The following WBP4 variants were observed in gnomAD, a reference collection of about 807,000 sequenced individuals.
The protein encoded by WBP4 is WW domain binding protein 4, also known as WW domain-binding protein 4.
Under a neutral mutation model 55.4 loss-of-function variants are expected in WBP4, and 37 were observed. The observed-to-expected ratio is 0.67, with a 90% CI of 0.51 to 0.88. WBP4 has a LOEUF of 0.88. Ranked by LOEUF, WBP4 falls within the 40% of genes least tolerant of loss-of-function variation. The probability of loss-of-function intolerance (pLI) is 0.00; values close to 1 mark genes in which losing one functional copy is unlikely to be tolerated. For missense variants in WBP4, 398 were observed against 420.8 expected, an observed-to-expected ratio of 0.95 and a Z score of 0.47; for synonymous variants, 142 against 140.2, an observed-to-expected ratio of 1.01 and a Z score of -0.09.
chr13:41,071,936 C>A (rs1878264719), intron 6 of WBP4, among the ~76,000 whole-genome samples: 1 of 150,468 alleles, frequency 6.6e-6, no homozygotes, highest in Non-Finnish European at 1.5e-5. Flanking sequence ...CCCAGCTACT[C>A]AGGAGGCTGA....
intron 8 of WBP4, among the ~76,000 whole-genome samples, chr13:41,078,341 A>G (rs1199186816): frequency 6.6e-6 from 1 of 152,214 alleles, no homozygotes; most frequent in Non-Finnish European, 1.5e-5. Flanking sequence ...AAAGCCACAT[A>G]CCTACAACCA....
chr13:41,072,763 GT>G lies in WBP4; in HGVS notation c.487-12del. 1.9e-6 allele frequency: 3 copies of G among 1,608,868 alleles called. No individual in the cohort carries two copies. Among genetic ancestry groups the G allele is most frequent in the Admixed American group, 1.7e-5 (1 of 59,036 alleles). On this transcript the variant is annotated intron_variant, in intron 6 of 9. Transcript: ENST00000379487. ...CATGGTTATCCTTAGTTTATGCTGGGTTTTTTTCCTCCTATTAGACAGCAGT... is the reference window on the plus strand; with the variant it reads ...CATGGTTATCCTTAGTTTATGCTGGGTTTTTTCCTCCTATTAGACAGCAGT...
chr13:41,070,532 G>A (rs1282214570), intron 5 of WBP4, among the ~76,000 whole-genome samples: 1 of 151,710 alleles, frequency 6.6e-6, no homozygotes, highest in Non-Finnish European at 1.5e-5. Context: ...TACGAGATAA[G>A]GAACTGAAAA....
In WBP4 at chr13:41,072,739, A is replaced by G. The variant is rs377131662; in HGVS notation, c.487-43A>G. ...TGTCTGAGTTATTCAATAGAAAATC[A>G]TGGTTATCCTTAGTTTATGCTGGGT... is the stretch of plus-strand genomic sequence containing the variant. On this transcript the variant is annotated intron_variant, in intron 6 of 9. Coordinates refer to ENST00000379487, the MANE Select transcript of WBP4 (RefSeq NM_007187.5). The G allele has an allele frequency of 5.4e-5, 85 of 1,567,690 alleles. No individual in the cohort carries two copies. In the Middle Eastern group the frequency reaches 1.0e-3, roughly 19 times the overall value.
At chr13:41,069,721 A>G (rs1878146068) in intron 5 of WBP4, among the ~76,000 whole-genome samples, 1 of 150,918 alleles carries the variant, frequency 6.6e-6, no homozygotes, top group African/African-American at 2.4e-5. Context: ...AAAAAAAAAA[A>G]AAAAAAAGTA....
At chr13:41,072,736 A>G (rs781771865) in intron 6 of WBP4, 46 bp from the exon 7 acceptor site, 2 of 1,563,782 alleles carry the variant, frequency 1.3e-6, no homozygotes, top group South Asian at 2.3e-5. Flanking sequence ...TCAATAGAAA[A>G]TCATGGTTAT....
At chr13:41,066,224 A>G (rs1383965810) in intron 4 of WBP4, among the ~76,000 whole-genome samples, 1 of 152,240 alleles carries the variant, frequency 6.6e-6, no homozygotes. Flanking sequence ...GCATTGAGAC[A>G]TTCCATTATG....
chr13:41,065,129 T>C (rs1877897403), intron 3 of WBP4, 35 bp from the exon 4 acceptor site: 4 of 1,602,536 alleles, frequency 2.5e-6, no homozygotes, highest in Admixed American at 1.8e-5. Flanking sequence ...GTCAGTCCTT[T>C]ATCTCACTTT....
At chr13:41,065,336 A>C in intron 4 of WBP4, 49 bp downstream of exon 4, 1 of 1,524,568 alleles carries the variant, frequency 6.6e-7, no homozygotes, top group East Asian at 2.3e-5. Flanking sequence ...TAAAAGTAAC[A>C]TCAGAGGTCA....
chr13:41,076,040 G>A lies in WBP4; in HGVS notation c.563-4G>A, dbSNP rs529495970. On this transcript the variant is annotated splice_polypyrimidine_tract_variant and splice_region_variant and intron_variant, in intron 7 of 9. Coordinates refer to ENST00000379487, the MANE Select transcript of WBP4 (RefSeq NM_007187.5). ...ATAACATGACTTTAAAATGTGTTGA[G>A]CAGAATCCAGATGGGAGAAACCTGA... The A allele has an allele frequency of 1.2e-6, 2 of 1,610,158 alleles. No individual in the cohort carries two copies. The highest frequency in any genetic ancestry group is 1.3e-5 in the African/African-American group (1 of 74,746).
intron 7 of WBP4, among the ~76,000 whole-genome samples, chr13:41,074,715 A>G (rs1485766059): frequency 6.6e-6 from 1 of 152,150 alleles, no homozygotes; most frequent in East Asian, 1.9e-4. Flanking sequence ...TACTCCCTGA[A>G]CTGGCGTGGT....
In WBP4 at chr13:41,082,740, T is replaced by A; in HGVS notation, c.957T>A (p.Asn319Lys). ...EVDLELPSTE[N>K]EYVSTSEADG... is the part of the protein sequence containing the mutation. ...ATTTGGAACTTCCAAGCACTGAAAA[T>A]GAGTATGTATCAACTTCAGAAGCTG... The change falls in exon 10 of 10, where the codon AAT becomes AAA. Residue 319 changes from asparagine to lysine, a missense_variant. Asn to Lys is a moderately conservative substitution (Grantham distance 94, BLOSUM62 0). Coordinates refer to ENST00000379487, the MANE Select transcript of WBP4 (RefSeq NM_007187.5). 1 of 1,613,988 alleles carries A rather than the reference T, an allele frequency of 6.2e-7. No individual in the cohort carries two copies. Among genetic ancestry groups the A allele is most frequent in the Non-Finnish European group, 8.5e-7 (1 of 1,179,968 alleles).
rs35695477 is a variant in WBP4 at position 41,076,269 on chromosome 13, ATTTTTTTTTTTTT to A, written c.756+48_756+60del. ...TTTTAAATTTTACTCTTCACATCAAATTTTTTTTTTTTTTTTTTTTTTTTTTTTGAGATGGAGT... is the reference window on the plus strand; with the variant it reads ...TTTTAAATTTTACTCTTCACATCAAATTTTTTTTTTTTTTTGAGATGGAGT... On this transcript the variant is annotated intron_variant, in intron 8 of 9. Transcript: ENST00000379487. The A allele has an allele frequency of 3.5e-5, 24 of 678,808 alleles. No homozygotes were observed. The East Asian group carries it at 9.6e-4, about 27-fold the overall frequency. 42.0% of individuals were successfully genotyped at this position (678,808 alleles called of 1,614,324 possible).
chr13:41,066,857 A>T (rs1877995315), intron 4 of WBP4, among the ~76,000 whole-genome samples: 1 of 152,188 alleles, frequency 6.6e-6, no homozygotes, highest in Non-Finnish European at 1.5e-5. Flanking sequence ...GTGTGAATAT[A>T]TTTTATATTG....
At chr13:41,064,344 AG>A (rs1430976151) in intron 2 of WBP4, among the ~76,000 whole-genome samples, 7 of 152,274 alleles carry the variant, frequency 4.6e-5, no homozygotes, top group African/African-American at 1.7e-4. Flanking sequence ...TGCTGCAGTC[AG>A]TAAGCTTGTG....
In WBP4 at chr13:41,068,732, C is replaced by A; in HGVS notation, c.434C>A (p.Ser145Ter). 1.3e-6 allele frequency: 2 copies of A among 1,585,628 alleles called. No individual in the cohort carries two copies. The highest frequency in any genetic ancestry group is 1.7e-6 in the Non-Finnish European group (2 of 1,167,730). The change falls in exon 5 of 10, where the codon TCA becomes TAA. Residue 145 changes from serine to a stop codon, truncating the protein, a stop_gained. Transcript: ENST00000379487. LOFTEE classifies it high-confidence loss of function. Reference protein sequence around the residue: ...EGYHYYYDLISGASQWEKPEG... With the variant: ...EGYHYYYDLI ...TACCATTACTATTATGATCTTATCTCAGGAGGTAAGTCATTTAGGCATAAA... is the reference window on the plus strand; with the variant it reads ...TACCATTACTATTATGATCTTATCTAAGGAGGTAAGTCATTTAGGCATAAA...
chr13:41,070,728 C>T (rs1878204908), intron 5 of WBP4, among the ~76,000 whole-genome samples: 1 of 151,582 alleles, frequency 6.6e-6, no homozygotes, highest in African/African-American at 2.4e-5. Flanking sequence ...GAGAATAGAG[C>T]AAGAAGTAAA....
chr13:41,079,863 G>A (rs541890548), intron 8 of WBP4, among the ~76,000 whole-genome samples: 76 of 152,160 alleles, frequency 5.0e-4, no homozygotes, highest in African/African-American at 1.6e-3. Flanking sequence ...ATATACACAC[G>A]CACACACACC....
chr13:41,072,688 CAGG>C (rs1010796923), intron 6 of WBP4, 91 bp from the exon 7 acceptor site: 11 of 1,027,384 alleles, frequency 1.1e-5, no homozygotes, highest in Admixed American at 2.1e-5. Context: ...CACCAGGTGT[CAGG>C]AGGAGAGGCA....
Sources: gnomAD v4.1 joint callset for allele counts (sites outside exome capture counted in the v4.1 genomes callset) on GRCh38, gnomAD v4.1.1 for gene constraint, MANE v1.5 for transcripts, NCBI Gene and HGNC (gene_info 2026-07-23, HGNC 2026-07-21) for gene names.